The following UGT3A2 variants were observed in gnomAD, a reference collection of about 807,000 sequenced individuals.
UGT3A2 encodes the protein UDP-glycosyltransferase 3A2.
A neutral mutation model predicts 39.8 loss-of-function variants in UGT3A2; 32 were observed. The observed-to-expected ratio is 0.80, with a 90% CI of 0.61 to 1.08. The LOEUF (loss-of-function observed/expected upper bound fraction) is 1.08, where lower values mean the gene tolerates loss of function less well. Ranked by LOEUF, UGT3A2 falls within the 50% of genes least tolerant of loss-of-function variation. The probability of loss-of-function intolerance (pLI) is 0.00; values close to 1 mark genes in which losing one functional copy is unlikely to be tolerated. For synonymous variants in UGT3A2, 241 were observed against 230.7 expected (o/e 1.04, Z -0.40); for missense variants, 611 against 637.1 (o/e 0.96, Z 0.44).
Position 36,035,735 on chromosome 5 carries a change from C to A in UGT3A2, c.1535G>T (p.Trp512Leu), listed in dbSNP as rs1741798437. The A allele has an allele frequency of 6.2e-7, 1 of 1,614,166 alleles. No homozygotes were observed. The part of the protein sequence containing the change: ...LCGKLLGMAV[W>L]WLRGARKVKE... Reference sequence around the variant, plus strand: ...CACCTTTCTGGCCCCACGCAGCCACCAGACAGCCATGCCCAGCAGCTTCCC... The same window carrying A: ...CACCTTTCTGGCCCCACGCAGCCACAAGACAGCCATGCCCAGCAGCTTCCC... The change falls in exon 7 of 7, where the codon TGG becomes TTG. Residue 512 changes from tryptophan to leucine, a missense_variant. Coordinates refer to ENST00000282507, the MANE Select transcript of UGT3A2 (RefSeq NM_174914.4).
At chr5:36,038,063 C>T in intron 5 of UGT3A2, 47 bp from the exon 6 acceptor site, 3 of 1,537,034 alleles carry the variant, frequency 2.0e-6, no homozygotes, top group Non-Finnish European at 1.7e-6. Context: ...ATGAAAATTT[C>T]AAAACATCAG....
intron 2 of UGT3A2, among the ~76,000 whole-genome samples, chr5:36,061,037 T>G (rs1225689497): frequency 6.6e-6 from 1 of 152,082 alleles, no homozygotes; most frequent in Non-Finnish European, 1.5e-5. Flanking sequence ...CCACGCCTAA[T>G]AGCACGCACC....
chr5:36,056,589 A>C (rs1298617275), intron 2 of UGT3A2, among the ~76,000 whole-genome samples: 1 of 152,232 alleles, frequency 6.6e-6, no homozygotes, highest in African/African-American at 2.4e-5. Flanking sequence ...GCTTCATGCT[A>C]ATCTCTTCAG....
At position 36,049,066 on chromosome 5, in the gene UGT3A2, GT is replaced by G. The variant is rs1291463577; in HGVS notation, c.665del (p.Asp222AlafsTer21). The G allele has an allele frequency of 1.2e-6, 2 of 1,614,074 alleles. No homozygotes were observed. The highest frequency in any genetic ancestry group is 1.7e-6 in the Non-Finnish European group (2 of 1,180,042). ...CTGTGAAATGTTCCTTGATGGTGTT[GT>G]CAAATGTAGACTGCATGTGCTGTTG... The part of the protein sequence containing the change: ...RRQQHMQSTF[D>X]NTIKEHFTEG... On this transcript the variant is annotated frameshift_variant, in exon 4 of 7. Transcript: ENST00000282507. LOFTEE classifies it high-confidence loss of function.
chr5:36,063,914 G>A (rs184024981), intron 2 of UGT3A2, among the ~76,000 whole-genome samples: 23 of 152,304 alleles, frequency 1.5e-4, no homozygotes, highest in African/African-American at 4.8e-4. Flanking sequence ...GGGATTACAG[G>A]TGTGAGCCAC....
At chr5:36,065,599 A>G (rs999986982) in intron 1 of UGT3A2, among the ~76,000 whole-genome samples, 23 of 152,306 alleles carry the variant, frequency 1.5e-4, no homozygotes, top group African/African-American at 5.3e-4. Context: ...AGGGGGAAAA[A>G]GTCTTCAAAT....
rs755167527 is a variant in UGT3A2 at position 36,035,912 on chromosome 5, T to C, written c.1358A>G (p.Gln453Arg). Residue 453 changes from glutamine to arginine, a missense_variant, in exon 7 of 7, where the codon CAG becomes CGG. Coordinates refer to ENST00000282507, the MANE Select transcript of UGT3A2 (RefSeq NM_174914.4). The stretch of plus-strand genomic sequence containing the variant: ...GTGGTCAATCCAGCCCACCAGCCGC[T>C]GTGTGGGGCTGAGCGGGTGGGAGCG... ...ILRSHPLSPT[Q>R]RLVGWIDHVL... is the part of the protein sequence containing the mutation. 2 of 1,614,130 alleles carry C rather than the reference T, an allele frequency of 1.2e-6. No individual in the cohort carries two copies. Among genetic ancestry groups the C allele is most frequent in the African/African-American group, 1.3e-5 (1 of 75,022 alleles).
At chr5:36,063,335 T>C (rs13154987) in intron 2 of UGT3A2, among the ~76,000 whole-genome samples, 1 of 152,168 alleles carries the variant, frequency 6.6e-6, no homozygotes, top group Non-Finnish European at 1.5e-5. Context: ...TGTTTCCTTG[T>C]GGATCAACAG....
chr5:36,035,443 T>C lies in UGT3A2; in HGVS notation c.*255A>G, dbSNP rs62352049. The C allele has an allele frequency of 1.4e-3, 692 of 503,366 alleles. 2 individuals are homozygous for C. The East Asian group carries it at 0.018, about 13-fold the overall frequency. 31.2% of individuals were successfully genotyped at this position (503,366 alleles called of 1,614,324 possible). A position where few individuals can be genotyped will look rare whatever the true frequency, so the allele number is the denominator to read the frequency against. On this transcript the variant is annotated 3_prime_UTR_variant, in exon 7 of 7. Transcript: ENST00000282507. ...GTCACTCAGAGACAGAATCACAGCATAGCCCTTGCTGATGGCAAACAAAGG... is the reference window on the plus strand; with the variant it reads ...GTCACTCAGAGACAGAATCACAGCACAGCCCTTGCTGATGGCAAACAAAGG...
chr5:36,037,305 G>T (rs1421194386), intron 6 of UGT3A2, among the ~76,000 whole-genome samples: 1 of 152,166 alleles, frequency 6.6e-6, no homozygotes, highest in East Asian at 1.9e-4. Context: ...TGTAACTGGG[G>T]TAGGTGGGAG....
At chr5:36,042,704 A>T (rs1742048920) in intron 4 of UGT3A2, among the ~76,000 whole-genome samples, 1 of 152,174 alleles carries the variant, frequency 6.6e-6, no homozygotes, top group African/African-American at 2.4e-5. Context: ...TATTCCATGA[A>T]AGTGGAAACC....
chr5:36,053,166 A>G (rs1340029175), intron 2 of UGT3A2, among the ~76,000 whole-genome samples: 1 of 152,184 alleles, frequency 6.6e-6, no homozygotes, highest in Non-Finnish European at 1.5e-5. Context: ...GAGGAGATTC[A>G]TTTGCCACAC....
chr5:36,061,742 T>C (rs1561498281), intron 2 of UGT3A2, among the ~76,000 whole-genome samples: 1 of 151,892 alleles, frequency 6.6e-6, no homozygotes, highest in Non-Finnish European at 1.5e-5. Flanking sequence ...TTATAGTCCT[T>C]TGGGTATACA....
Position 36,049,013 on chromosome 5 carries a change from AGAT to A in UGT3A2, c.716_718del (p.His239del), listed in dbSNP as rs747030001. 32 of 1,614,124 alleles carry A rather than the reference AGAT, an allele frequency of 2.0e-5. No individual in the cohort carries two copies. Among genetic ancestry groups the A allele is most frequent in the Non-Finnish European group, 2.4e-5 (28 of 1,180,050 alleles). Reference sequence around the variant, plus strand: ...GAACCACAACTCTGCTTTCAGTAGAAGATGAGACAAAACTGGCCTAGAGCCTTC... The same window carrying A: ...GAACCACAACTCTGCTTTCAGTAGAAGAGACAAAACTGGCCTAGAGCCTTC... On this transcript the variant is annotated inframe_deletion, in exon 4 of 7. Coordinates refer to ENST00000282507, the MANE Select transcript of UGT3A2 (RefSeq NM_174914.4).
chr5:36,035,414 C>T lies in UGT3A2; in HGVS notation c.*284G>A. The T allele has an allele frequency of 2.4e-6, 1 of 411,348 alleles. No homozygotes were observed. The allele number at this position is 411,348 out of a possible 1,614,324, so 25.5% of individuals were successfully genotyped here. A position where few individuals can be genotyped will look rare whatever the true frequency, so the allele number is the denominator to read the frequency against. The stretch of plus-strand genomic sequence containing the variant: ...GGCTGGAAATCTGAGGGTCAGTGGT[C>T]CAAGTCACTCAGAGACAGAATCACA... On this transcript the variant is annotated 3_prime_UTR_variant, in exon 7 of 7. Coordinates refer to ENST00000282507, the MANE Select transcript of UGT3A2 (RefSeq NM_174914.4).
chr5:36,056,397 G>T (rs76734612), intron 2 of UGT3A2, among the ~76,000 whole-genome samples: 1,531 of 152,340 alleles, frequency 0.01, 24 homozygotes, highest in African/African-American at 0.035. Context: ...GGCATGTACA[G>T]TTGAGACTCC....
chr5:36,050,258 AG>A (rs1426506447), intron 3 of UGT3A2, among the ~76,000 whole-genome samples: 2 of 152,130 alleles, frequency 1.3e-5, no homozygotes, highest in Non-Finnish European at 2.9e-5. Context: ...GCCTATGCAA[AG>A]GGACGATTCT....
At chr5:36,064,041 G>GA (rs919361395) in intron 2 of UGT3A2, among the ~76,000 whole-genome samples, 5 of 150,724 alleles carry the variant, frequency 3.3e-5, no homozygotes, top group African/African-American at 9.7e-5. Flanking sequence ...CAAGTAAGGG[G>GA]AAAAAAAAAT....
chr5:36,035,200 G>A lies in UGT3A2; in HGVS notation c.*498C>T, dbSNP rs1460694789. The A allele has an allele frequency of 1.2e-5, 2 of 168,428 alleles. No homozygotes were observed. Among genetic ancestry groups the A allele is most frequent in the Admixed American group, 5.4e-5 (1 of 18,426 alleles). The allele number at this position is 168,428 out of a possible 1,614,324, so 10.4% of individuals were successfully genotyped here. A position where few individuals can be genotyped will look rare whatever the true frequency, so the allele number is the denominator to read the frequency against. ...CTCTCAAGCACAGGGCAGGCTTCCT[G>A]AGCATTGAAGAGAATATGTGGGAGA... On this transcript the variant is annotated 3_prime_UTR_variant, in exon 7 of 7. Transcript: ENST00000282507.
Sources: gnomAD v4.1 joint callset for allele counts (sites outside exome capture counted in the v4.1 genomes callset) on GRCh38, gnomAD v4.1.1 for gene constraint, MANE v1.5 for transcripts, NCBI Gene and HGNC (gene_info 2026-07-23, HGNC 2026-07-21) for gene names.